The following GSE1 variants were observed in gnomAD, a reference collection of about 807,000 sequenced individuals.
GSE1 encodes genetic suppressor element 1.
A neutral mutation model predicts 112.6 loss-of-function variants in GSE1; 32 were observed. The observed-to-expected ratio is 0.28, with a 90% confidence interval of 0.21 to 0.38. The LOEUF (loss-of-function observed/expected upper bound fraction) is 0.38, where lower values mean the gene tolerates loss of function less well. Among genes scored for constraint, GSE1 ranks in the 10% least tolerant of loss-of-function variants. The pLI, the probability that GSE1 is intolerant of heterozygous loss-of-function variation, is 1.00. For missense variants in GSE1, 2,348 were observed against 1,699.2 expected (o/e 1.38, Z -6.71); for synonymous variants, 1,115 against 735.6 (o/e 1.52, Z -8.35).
intron 1 of GSE1, among the ~76,000 whole-genome samples, chr16:85,575,615 G>A (rs2046199052): frequency 6.6e-6 from 1 of 152,098 alleles, no homozygotes; most frequent in Non-Finnish European, 1.5e-5. Context: ...GGGGCATATG[G>A]ATGTGTTCAT....
At chr16:85,502,600 C>T (rs1308398122) in intron 2 of GSE1, among the ~76,000 whole-genome samples, 2 of 152,220 alleles carry the variant, frequency 1.3e-5, no homozygotes, top group Non-Finnish European at 2.9e-5. Flanking sequence ...TCTGTGTCTG[C>T]CATGGTGGCT....
intron 1 of GSE1, among the ~76,000 whole-genome samples, chr16:85,186,779 C>CA (rs1044919096): frequency 3.3e-5 from 5 of 151,982 alleles, no homozygotes. Context: ...CAACAAAAGA[C>CA]AAAAAAATCT....
At chr16:85,206,730 C>T (rs2075123707) in intron 1 of GSE1, among the ~76,000 whole-genome samples, 1 of 151,874 alleles carries the variant, frequency 6.6e-6, no homozygotes. Flanking sequence ...TCACAATCTC[C>T]CAGCGCCTCT....
intron 2 of GSE1, among the ~76,000 whole-genome samples, chr16:85,436,824 G>C (rs1203230848): frequency 6.6e-6 from 1 of 152,226 alleles, no homozygotes; most frequent in Non-Finnish European, 1.5e-5. Context: ...CTGGTGGTGG[G>C]AGCCCGCAGG....
At position 85,345,244 on chromosome 16, in the gene GSE1, A is replaced by G. The variant is rs113177939; in HGVS notation, c.2284-12219A>G. 7.1e-3 allele frequency among the ~76,000 whole-genome samples: 1,089 copies of G among 152,348 alleles called. 5 individuals are homozygous for G. The highest frequency in any genetic ancestry group is 0.019 in the African/African-American group (778 of 41,566). On this transcript the variant is annotated intron_variant, in intron 1 of 2. Transcript: ENST00000637419. ...CCCAAAGGAAGAACAGTATTTCACC[A>G]CAGATAAAAATTATATGAAATTCAA...
intron 1 of GSE1, among the ~76,000 whole-genome samples, chr16:85,228,411 G>C (rs2075526577): frequency 6.6e-6 from 1 of 152,216 alleles, no homozygotes; most frequent in Admixed American, 6.5e-5. Context: ...GGAGCTTCGG[G>C]GAAGGCTGAG....
chr16:85,383,976 C>G lies in GSE1; in HGVS notation c.2464+26333C>G, dbSNP rs540197037. ...CCTCACAGGGGCTTGGCCGCCACCC[C>G]TGACTGCTTCAAAGCCTCTTGGGCT... On this transcript the variant is annotated intron_variant, in intron 2 of 2. Transcript: ENST00000637419. Among the ~76,000 whole-genome samples the G allele has an allele frequency of 1.6e-4, 25 of 152,298 alleles. No homozygotes were observed. In the East Asian group the frequency reaches 2.1e-3, roughly 13 times the overall value.
intron 1 of GSE1, among the ~76,000 whole-genome samples, chr16:85,632,668 C>G (rs534837529): frequency 6.6e-6 from 1 of 152,108 alleles, no homozygotes. Context: ...CGGGGAGGAA[C>G]CTGGGGGCCC....
In GSE1 at chr16:85,267,828, C is replaced by T. The variant is rs146219786; in HGVS notation, c.2284-89635C>T. Among the ~76,000 whole-genome samples the T allele has an allele frequency of 2.0e-3, 309 of 152,304 alleles. 2 individuals carry two copies. The highest frequency in any genetic ancestry group is 7.0e-3 in the African/African-American group (290 of 41,572). On this transcript the variant is annotated intron_variant, in intron 1 of 2. Transcript: ENST00000637419. ...TACTGTATAGGAGGCAGCATAGTGT[C>T]GTGGTTAAACATGAGCCATGGAACC...
chr16:85,637,978 G>A (rs2050141516), intron 2 of GSE1, among the ~76,000 whole-genome samples: 1 of 152,186 alleles, frequency 6.6e-6, no homozygotes, highest in Admixed American at 6.5e-5. Flanking sequence ...GGCAGGAGAG[G>A]TGGCAGAGCT....
At chr16:85,452,015 A>AAGCAAGAAC (rs1206983740) in intron 2 of GSE1, among the ~76,000 whole-genome samples, 1 of 151,784 alleles carries the variant, frequency 6.6e-6, no homozygotes, top group Non-Finnish European at 1.5e-5. Flanking sequence ...CATGTGCTGT[A>AAGCAAGAAC]AGCAAGAAGC....
chr16:85,579,602 C>T (rs2046366996), intron 1 of GSE1, among the ~76,000 whole-genome samples: 1 of 152,178 alleles, frequency 6.6e-6, no homozygotes, highest in South Asian at 2.1e-4. Flanking sequence ...CTGGGGGATT[C>T]CCCAGACCTA....
chr16:85,396,655 C>G (rs561169830), intron 2 of GSE1, among the ~76,000 whole-genome samples: 1 of 152,214 alleles, frequency 6.6e-6, no homozygotes, highest in Non-Finnish European at 1.5e-5. Context: ...CAGTTCAGGA[C>G]GTTCAGGCCA....
At chr16:85,425,555 G>A (rs1225521672) in intron 2 of GSE1, among the ~76,000 whole-genome samples, 4 of 152,202 alleles carry the variant, frequency 2.6e-5, no homozygotes, top group Non-Finnish European at 2.9e-5. Flanking sequence ...GAGCCACACC[G>A]ATGCACGCTT....
At chr16:85,627,122 A>AT (rs1383282865) in intron 1 of GSE1, among the ~76,000 whole-genome samples, 3 of 104,360 alleles carry the variant, frequency 2.9e-5, no homozygotes, top group African/African-American at 3.9e-5. Context: ...TAGCCAGAGA[A>AT]TAGGAGAAAG....
chr16:85,666,468 C>G, intron 13 of GSE1, 121 bp downstream of exon 13: 2 of 876,080 alleles, frequency 2.3e-6, no homozygotes, highest in East Asian at 2.5e-5. Context: ...ACTCCAATCA[C>G]CAGAAGAAAA....
rs2052819814 is a variant in GSE1, at chr16:85,665,975, G to T, written c.2759-1G>T. 4.3e-6 allele frequency: 7 copies of T among 1,612,830 alleles called. No individual in the cohort carries two copies. Among genetic ancestry groups the T allele is most frequent in the Non-Finnish European group, 5.9e-6 (7 of 1,179,848 alleles). On this transcript the variant is annotated splice_acceptor_variant, in intron 12 of 15. Transcript: ENST00000253458. LOFTEE classifies it high-confidence loss of function. The stretch of plus-strand genomic sequence containing the variant: ...ATTTTCCTTCACTTTGTCTCTAAAA[G>T]AACCAGCCACGCAGCAAGCCTCTCT...
intron 2 of GSE1, among the ~76,000 whole-genome samples, chr16:85,543,909 C>G (rs1264899181): frequency 6.6e-6 from 1 of 152,184 alleles, no homozygotes; most frequent in Non-Finnish European, 1.5e-5. Context: ...ATGATCTCAG[C>G]TCACTGCAAC....
At chr16:85,554,076 G>C (rs2045072932), upstream of GSE1, among the ~76,000 whole-genome samples, 1 of 151,914 alleles carries the variant, frequency 6.6e-6, no homozygotes, top group Non-Finnish European at 1.5e-5. Context: ...GGCTGGTTGT[G>C]CCACCGAGGG....
Sources: gnomAD v4.1 joint callset for allele counts (sites outside exome capture counted in the v4.1 genomes callset) on GRCh38, gnomAD v4.1.1 for gene constraint, MANE v1.5 for transcripts, NCBI Gene and HGNC (gene_info 2026-07-23, HGNC 2026-07-21) for gene names.